MORC1: variants seen among roughly 807,000 people sequenced by gnomAD.
MORC1 encodes MORC family CW-type zinc finger protein 1.
MORC1 carries 59 observed loss-of-function variants against 134.9 expected under a neutral mutation model. The observed-to-expected ratio is 0.44, with a 90% confidence interval of 0.35 to 0.54. The LOEUF is 0.54. Ranked by LOEUF, MORC1 falls within the 20% of genes least tolerant of loss-of-function variation. MORC1 has a pLI of 0.00. For synonymous variants in MORC1, 395 were observed against 391.7 expected, an observed-to-expected ratio of 1.01 and a Z score of -0.10; for missense variants, 947 against 1,134.5, an observed-to-expected ratio of 0.83 and a Z score of 2.37.
chr3:108,975,591 T>C (rs1334200560), intron 24 of MORC1, among the ~76,000 whole-genome samples: 1 of 152,168 alleles, frequency 6.6e-6, no homozygotes, highest in Non-Finnish European at 1.5e-5. Context: ...AAGTGTTATA[T>C]AATGCTAGGC....
intron 14 of MORC1, among the ~76,000 whole-genome samples, chr3:109,040,294 G>C (rs1294424369): frequency 6.8e-6 from 1 of 147,108 alleles, no homozygotes; most frequent in African/African-American, 2.5e-5. Context: ...AAAAACACCT[G>C]ATGGCAGATC....
At chr3:109,110,872 A>G in intron 2 of MORC1, 89 bp from the exon 3 acceptor site, 1 of 961,790 alleles carries the variant, frequency 1.0e-6, no homozygotes, top group Non-Finnish European at 1.5e-6. Flanking sequence ...AAACAATACA[A>G]AAATCCACTT....
At position 109,007,213 on chromosome 3, in the gene MORC1, T is replaced by C. The variant is rs1435645289; in HGVS notation, c.1705-122A>G. ...GGTCAAGATAGCAAACCCTCATGAA[T>C]AATTGTTCAAGGAGTGCATTTAAGT... is the stretch of plus-strand genomic sequence containing the variant. On this transcript the variant is annotated intron_variant, in intron 17 of 27. Coordinates refer to ENST00000232603, the MANE Select transcript of MORC1 (RefSeq NM_014429.4). 3 of 691,052 alleles carry C rather than the reference T, an allele frequency of 4.3e-6. No homozygotes were observed. In the Admixed American group the frequency reaches 8.4e-5, roughly 19 times the overall value. 42.8% of individuals were successfully genotyped at this position (691,052 alleles called of 1,614,324 possible). A position where few individuals can be genotyped will look rare whatever the true frequency, so the allele number is the denominator to read the frequency against.
In MORC1 at chr3:109,094,997, T is replaced by C. The variant is rs770056574; in HGVS notation, c.495A>G (p.Ala165=). 1.9e-6 allele frequency: 3 copies of C among 1,594,332 alleles called. No individual in the cohort carries two copies. Among genetic ancestry groups the C allele is most frequent in the Non-Finnish European group, 2.6e-6 (3 of 1,174,232 alleles). ...ATTTATAAATTATAGATAATTCCAT[T>C]GCAAATTTCTGGGGATCATCTGTGA... ...ESVTDDPQKF[A]MELSIIYKYS... is the part of the protein sequence containing the mutation. Residue 165 remains alanine, a synonymous_variant, in exon 7 of 28, where the codon GCA becomes GCG. Transcript: ENST00000232603.
At chr3:109,072,630 A>C (rs1950342693) in intron 8 of MORC1, among the ~76,000 whole-genome samples, 2 of 152,212 alleles carry the variant, frequency 1.3e-5, no homozygotes, top group African/African-American at 4.8e-5. Flanking sequence ...GATTATCTTC[A>C]ATGGCAATGC....
At chr3:109,082,456 C>A (rs1276820639) in intron 8 of MORC1, among the ~76,000 whole-genome samples, 2 of 151,734 alleles carry the variant, frequency 1.3e-5, no homozygotes, top group Non-Finnish European at 2.9e-5. Context: ...AGTGACTGAC[C>A]CTAGTGAAAA....
At chr3:109,109,513 C>T (rs1288275410) in intron 3 of MORC1, among the ~76,000 whole-genome samples, 1 of 152,186 alleles carries the variant, frequency 6.6e-6, no homozygotes, top group African/African-American at 2.4e-5. Flanking sequence ...CAAGCTCTAG[C>T]CCCTTAATAT....
intron 16 of MORC1, among the ~76,000 whole-genome samples, chr3:109,030,844 C>T (rs568606603): frequency 4.3e-4 from 66 of 152,240 alleles, no homozygotes; most frequent in Admixed American, 2.2e-3. Context: ...TTATTTGAAA[C>T]ATTCTAACAC....
chr3:109,024,472 C>T (rs1461440770), intron 17 of MORC1, among the ~76,000 whole-genome samples: 1 of 152,192 alleles, frequency 6.6e-6, no homozygotes, highest in Non-Finnish European at 1.5e-5. Context: ...CTCTTACCAT[C>T]TAATCATTAG....
intron 8 of MORC1, among the ~76,000 whole-genome samples, chr3:109,070,897 C>T (rs1337790251): frequency 7.1e-6 from 1 of 140,528 alleles, no homozygotes; most frequent in South Asian, 2.2e-4. Context: ...AAAGGAAATT[C>T]TCTTAAATAA....
chr3:108,974,574 C>A (rs1947495879), intron 24 of MORC1, among the ~76,000 whole-genome samples: 1 of 152,132 alleles, frequency 6.6e-6, no homozygotes, highest in Non-Finnish European at 1.5e-5. Flanking sequence ...TAGGAATAAA[C>A]CTGGATTCAT....
chr3:109,083,467 C>T (rs1950560308), intron 8 of MORC1, among the ~76,000 whole-genome samples: 1 of 152,072 alleles, frequency 6.6e-6, no homozygotes, highest in Non-Finnish European at 1.5e-5. Context: ...CTACAGCAAC[C>T]TGTTAAGAGA....
intron 21 of MORC1, among the ~76,000 whole-genome samples, chr3:108,997,036 A>G (rs1028680475): frequency 8.9e-5 from 13 of 146,054 alleles, no homozygotes; most frequent in African/African-American, 2.5e-4. Flanking sequence ...AAAAAAAAAA[A>G]TGCTGTGGAA....
chr3:109,083,076 AG>A (rs748954709), intron 8 of MORC1, among the ~76,000 whole-genome samples: 1 of 152,136 alleles, frequency 6.6e-6, no homozygotes, highest in Non-Finnish European at 1.5e-5. Flanking sequence ...CAATTCGTCT[AG>A]CAATATACTT....
At chr3:108,974,955 C>A (rs1238057999) in intron 24 of MORC1, among the ~76,000 whole-genome samples, 1 of 152,152 alleles carries the variant, frequency 6.6e-6, no homozygotes, top group Non-Finnish European at 1.5e-5. Context: ...AAATCAACAC[C>A]ATCTCTACAA....
At chr3:109,114,620 G>A (rs192474150) in intron 1 of MORC1, among the ~76,000 whole-genome samples, 183 bp from the exon 2 acceptor site, 17 of 152,142 alleles carry the variant, frequency 1.1e-4, no homozygotes, top group Non-Finnish European at 1.6e-4. Flanking sequence ...ATTATGAAGC[G>A]AGGGTTAAAA....
intron 23 of MORC1, among the ~76,000 whole-genome samples, chr3:108,983,675 C>T (rs1434357560): frequency 2.0e-5 from 3 of 152,108 alleles, no homozygotes; most frequent in East Asian, 1.9e-4. Flanking sequence ...CAAATAACTA[C>T]GGAACAAATT....
chr3:109,010,075 T>G (rs1245455538), intron 17 of MORC1, among the ~76,000 whole-genome samples: 1 of 152,232 alleles, frequency 6.6e-6, no homozygotes, highest in African/African-American at 2.4e-5. Context: ...TGTAAAAGGC[T>G]AGATAGTAAA....
chr3:109,047,415 T>C (rs948923122), intron 14 of MORC1, among the ~76,000 whole-genome samples: 2 of 152,156 alleles, frequency 1.3e-5, no homozygotes, highest in Non-Finnish European at 1.5e-5. Context: ...AGCAAAAAAC[T>C]TCATTGTAGA....
Sources: allele counts gnomAD v4.1 joint callset (sites outside exome capture counted in the v4.1 genomes callset), GRCh38; gene constraint gnomAD v4.1.1; transcripts MANE v1.5; gene names NCBI Gene and HGNC (gene_info 2026-07-23, HGNC 2026-07-21).